VPS54: variants seen among roughly 807,000 people sequenced by gnomAD.
VPS54 encodes vacuolar protein sorting-associated protein 54.
A neutral mutation model predicts 121.5 loss-of-function variants in VPS54; 45 were observed. The ratio of observed to expected loss-of-function variants is 0.37; its 90% CI spans 0.29 to 0.47. The LOEUF is 0.47. Among genes scored for constraint, VPS54 ranks in the 20% least tolerant of loss-of-function variants. The probability of loss-of-function intolerance (pLI) is 0.99; values close to 1 mark genes in which losing one functional copy is unlikely to be tolerated. For synonymous variants in VPS54, 371 were observed against 385.8 expected (o/e 0.96, Z 0.45); for missense variants, 1,090 against 1,131.4 (o/e 0.96, Z 0.52).
chr2:63,950,930 CA>C (rs1288084241), intron 7 of VPS54, among the ~76,000 whole-genome samples: 5 of 152,284 alleles, frequency 3.3e-5, no homozygotes, highest in African/African-American at 1.2e-4. Flanking sequence ...ATTATCATGA[CA>C]TTTTTTTAAG....
intron 4 of VPS54, among the ~76,000 whole-genome samples, chr2:63,969,428 G>C (rs943929603): frequency 3.3e-5 from 5 of 152,136 alleles, no homozygotes; most frequent in Non-Finnish European, 5.9e-5. Context: ...GATCAGTGGT[G>C]GCACTAGGTT....
intron 20 of VPS54, 119 bp downstream of exon 20, chr2:63,912,226 G>T: frequency 9.8e-7 from 1 of 1,019,910 alleles, no homozygotes; most frequent in Non-Finnish European, 1.4e-6. Context: ...CTACTAATTG[G>T]TAAATATCCT....
chr2:63,958,585 C>G (rs1380791460), intron 7 of VPS54, among the ~76,000 whole-genome samples: 3 of 152,130 alleles, frequency 2.0e-5, no homozygotes, highest in Non-Finnish European at 4.4e-5. Flanking sequence ...CGTGGTGGCA[C>G]AGACCTACAG....
chr2:63,936,262 C>G (rs1025966243), intron 11 of VPS54, among the ~76,000 whole-genome samples: 2 of 152,164 alleles, frequency 1.3e-5, no homozygotes, highest in African/African-American at 4.8e-5. Flanking sequence ...CGTATCTACA[C>G]TTTTAAAGAT....
At chr2:63,894,081 T>C (rs1218590240) in intron 22 of VPS54, among the ~76,000 whole-genome samples, 2 of 151,914 alleles carry the variant, frequency 1.3e-5, no homozygotes, top group African/African-American at 4.8e-5. Flanking sequence ...ACTGAAAAAA[T>C]GGTAAACGTC....
At chr2:63,956,409 A>C (rs1675493216) in intron 7 of VPS54, among the ~76,000 whole-genome samples, 1 of 152,198 alleles carries the variant, frequency 6.6e-6, no homozygotes, top group Admixed American at 6.5e-5. Flanking sequence ...AAAAAGGCTT[A>C]CAAGTAGAAA....
At chr2:63,935,948 G>A (rs1244094861) in intron 11 of VPS54, among the ~76,000 whole-genome samples, 2 of 152,176 alleles carry the variant, frequency 1.3e-5, no homozygotes, top group African/African-American at 2.4e-5. Flanking sequence ...AAACTTCTAG[G>A]TGGTATAGAA....
chr2:63,982,020 T>A, intron 2 of VPS54, 133 bp from the exon 3 acceptor site: 1 of 982,034 alleles, frequency 1.0e-6, no homozygotes, highest in Non-Finnish European at 1.4e-6. Flanking sequence ...GTAAATGATT[T>A]AATAAAAATC....
chr2:63,913,326 G>A lies in VPS54; in HGVS notation c.2335-16C>T, dbSNP rs1558986660. ...AATTGAAGTACTAACAAAAGAAGGAGAAAAAAACCCCAAAATTTACTAAAA... is the reference window on the plus strand; with the variant it reads ...AATTGAAGTACTAACAAAAGAAGGAAAAAAAAACCCCAAAATTTACTAAAA... On this transcript the variant is annotated splice_polypyrimidine_tract_variant and intron_variant, in intron 17 of 22. Coordinates refer to ENST00000272322, the MANE Select transcript of VPS54 (RefSeq NM_016516.3). The A allele has an allele frequency of 2.5e-6, 4 of 1,589,122 alleles. No homozygotes were observed. The highest frequency in any genetic ancestry group is 1.8e-5 in the Admixed American group (1 of 55,736).
chr2:63,954,443 A>G (rs1675398659), intron 7 of VPS54, among the ~76,000 whole-genome samples: 1 of 152,168 alleles, frequency 6.6e-6, no homozygotes. Context: ...ACAGCTAAAT[A>G]AAGGAAAAGA....
At chr2:63,931,070 G>A (rs1674173658) in intron 12 of VPS54, among the ~76,000 whole-genome samples, 1 of 152,106 alleles carries the variant, frequency 6.6e-6, no homozygotes, top group Non-Finnish European at 1.5e-5. Flanking sequence ...AATCAATATT[G>A]TGAAAATGGC....
At chr2:63,973,956 G>A (rs1253051296) in intron 3 of VPS54, among the ~76,000 whole-genome samples, 1 of 152,062 alleles carries the variant, frequency 6.6e-6, no homozygotes, top group African/African-American at 2.4e-5. Context: ...TAATTTTAAT[G>A]AAGTTCAACT....
At chr2:63,976,022 G>A (rs924353746) in intron 3 of VPS54, among the ~76,000 whole-genome samples, 9 of 152,140 alleles carry the variant, frequency 5.9e-5, no homozygotes, top group Non-Finnish European at 8.8e-5. Flanking sequence ...GAGCCGACAC[G>A]CCCGGTACAT....
chr2:64,003,504 A>G (rs1381786084), intron 1 of VPS54, among the ~76,000 whole-genome samples: 2 of 152,112 alleles, frequency 1.3e-5, no homozygotes, highest in South Asian at 4.1e-4. Context: ...CAGGCTTTGC[A>G]TTTCTTGATG....
chr2:63,993,163 C>T (rs1018379090), intron 1 of VPS54, among the ~76,000 whole-genome samples: 1 of 152,086 alleles, frequency 6.6e-6, no homozygotes, highest in African/African-American at 2.4e-5. Flanking sequence ...GAATCATGGT[C>T]GATAAACATA....
chr2:64,002,695 G>GA (rs564399460), intron 1 of VPS54, among the ~76,000 whole-genome samples: 176 of 152,290 alleles, frequency 1.2e-3, no homozygotes, highest in South Asian at 3.1e-3. Flanking sequence ...TATCTGAGGA[G>GA]AAAAACACAT....
intron 4 of VPS54, among the ~76,000 whole-genome samples, chr2:63,969,758 A>C (rs1446505819): frequency 6.6e-6 from 1 of 152,196 alleles, no homozygotes; most frequent in Non-Finnish European, 1.5e-5. Flanking sequence ...TGGTGCCAAA[A>C]AGATTGAGGA....
intron 6 of VPS54, among the ~76,000 whole-genome samples, chr2:63,962,931 G>C (rs1401687943): frequency 1.3e-5 from 2 of 152,018 alleles, no homozygotes; most frequent in Non-Finnish European, 2.9e-5. Context: ...TAACAATCTT[G>C]AAATATAGGT....
chr2:63,977,338 A>C (rs988890756), intron 3 of VPS54, among the ~76,000 whole-genome samples: 3 of 152,124 alleles, frequency 2.0e-5, no homozygotes, highest in Non-Finnish European at 4.4e-5. Flanking sequence ...TGGATTATTA[A>C]TTTTAAATTT....
Sources: gnomAD v4.1 joint callset for allele counts (sites outside exome capture counted in the v4.1 genomes callset) on GRCh38, gnomAD v4.1.1 for gene constraint, MANE v1.5 for transcripts, NCBI Gene and HGNC (gene_info 2026-07-23, HGNC 2026-07-21) for gene names.